TEPSIN: variants seen among roughly 807,000 people sequenced by gnomAD.
The protein encoded by TEPSIN is AP-4 complex accessory subunit tepsin.
Under a neutral mutation model 48.5 loss-of-function variants are expected in TEPSIN, and 50 were observed. The ratio of observed to expected loss-of-function variants is 1.03; its 90% CI spans 0.82 to 1.31. The LOEUF (loss-of-function observed/expected upper bound fraction) is 1.31, where lower values mean the gene tolerates loss of function less well. Ranked by LOEUF, TEPSIN falls within the 50% of genes most tolerant of loss-of-function variation. TEPSIN has a pLI of 0.00. For synonymous variants in TEPSIN, 392 were observed against 358.8 expected (o/e 1.09, Z -1.05); for missense variants, 838 against 815.9 (o/e 1.03, Z -0.33).
chr17:81,236,219 C>T (rs551086274), intron 4 of TEPSIN, among the ~76,000 whole-genome samples: 1 of 152,342 alleles, frequency 6.6e-6, no homozygotes, highest in East Asian at 1.9e-4. Context: ...GCCGGGGCCC[C>T]GCCTCTCCTG....
chr17:81,235,985 G>A (rs1598360065), intron 4 of TEPSIN, among the ~76,000 whole-genome samples: 1 of 152,210 alleles, frequency 6.6e-6, no homozygotes, highest in Admixed American at 6.5e-5. Flanking sequence ...GCAGTGGCAC[G>A]AGACAGACTC....
At position 81,237,058 on chromosome 17, in the gene TEPSIN, C is replaced by T. The variant is rs968866664; in HGVS notation, c.135G>A (p.Glu45=). 16 of 1,593,476 alleles carry T rather than the reference C, an allele frequency of 1.0e-5. No individual in the cohort carries two copies. The African/African-American group carries it at 1.2e-4, about 12-fold the overall frequency. The change falls in exon 3 of 13, where the codon GAG becomes GAA. Residue 45 remains glutamate (E), a synonymous_variant. Transcript: ENST00000637944. ...LFEEIAKISH[E]SPGSSQCLLE... ...GCAGGCACTGGCTGCTGCCCGGAGA[C>T]TCGTGGGAGATTTCTGCGGCACGCT...
intron 11 of TEPSIN, chr17:81,231,156 ACACACGTGCACAAGTGTGTACACACCG>A (rs1005009380): frequency 2.2e-5 from 13 of 579,008 alleles, no homozygotes; most frequent in East Asian, 5.8e-5. Flanking sequence ...TGTGCATACC[ACACACGTGCACAAGTGTGTACACACCG>A]CACACATGCA....
At chr17:81,237,097 G>T in intron 2 of TEPSIN, 26 bp from the exon 3 acceptor site, 1 of 1,562,284 alleles carries the variant, frequency 6.4e-7, no homozygotes. Context: ...GTTAGGGAAG[G>T]GCGAGATGAT....
intron 1 of TEPSIN, 106 bp downstream of exon 1, chr17:81,238,880 G>A (rs1202989585): frequency 2.2e-6 from 3 of 1,364,644 alleles, no homozygotes; most frequent in South Asian, 1.7e-5. Context: ...GCAGCTACCC[G>A]GCGCGGAGAC....
At chr17:81,237,645 G>T in intron 1 of TEPSIN, 186 bp from the exon 2 acceptor site, 1 of 646,758 alleles carries the variant, frequency 1.5e-6, no homozygotes, top group Non-Finnish European at 2.6e-6. Context: ...TCTCTCAACA[G>T]TCAGGGATGA....
Position 81,230,963 on chromosome 17 carries a change from G to C in TEPSIN, c.1099-285C>G. On this transcript the variant is annotated intron_variant, in intron 11 of 12. Coordinates refer to ENST00000637944, the MANE Select transcript of TEPSIN (RefSeq NM_001363764.2). The surrounding 1 kb of genome is among the most constrained non-coding windows in gnomAD (Gnocchi z 4.2). ...CGGACACCAGAGCCATGTCCTCCCC[G>C]GCTCCTGGACAGACCCCAGCGAGAA... The C allele has an allele frequency of 1.9e-6, 1 of 517,962 alleles. No individual in the cohort carries two copies. Among genetic ancestry groups the C allele is most frequent in the Non-Finnish European group, 3.4e-6 (1 of 293,554 alleles). The allele number at this position is 517,962 out of a possible 1,614,324, so 32.1% of individuals were successfully genotyped here. A position where few individuals can be genotyped will look rare whatever the true frequency, so the allele number is the denominator to read the frequency against.
In TEPSIN at chr17:81,232,012, T is replaced by C. The variant is rs769558985; in HGVS notation, c.740A>G (p.His247Arg). Residue 247 changes from histidine (H) to arginine (R), a missense_variant, in exon 9 of 13, where the codon CAT becomes CGT. By Grantham distance (29) the His-to-Arg change is conservative. Coordinates refer to ENST00000637944, the MANE Select transcript of TEPSIN (RefSeq NM_001363764.2). ...GCCCCCTCCGGCCTGCCCAGGCTGA[T>C]GCCTCACAGCTGGAGGAAACAGGAC... ...GAIPGPRAVR[H>R]QPGQAGGGWD... 3 of 1,608,970 alleles carry C rather than the reference T, an allele frequency of 1.9e-6. No individual in the cohort carries two copies. Among genetic ancestry groups the C allele is most frequent in the Middle Eastern group, 1.6e-4 (1 of 6,080 alleles).
In TEPSIN at chr17:81,229,309, G is replaced by A; in HGVS notation, c.1401C>T (p.Val467=). 1 of 1,571,558 alleles carries A rather than the reference G, an allele frequency of 6.4e-7. No individual in the cohort carries two copies. The highest frequency in any genetic ancestry group is 8.6e-7 in the Non-Finnish European group (1 of 1,158,436). The change falls in exon 13 of 13, where the codon GTC becomes GTT. Residue 467 remains valine (V), a synonymous_variant. Coordinates refer to ENST00000637944, the MANE Select transcript of TEPSIN (RefSeq NM_001363764.2). The part of the protein sequence containing the change: ...VFLQPLSSTP[V]SSRSPAPSSG... The stretch of plus-strand genomic sequence containing the variant: ...ATGAGGGAGCAGGGCTCCGGGACGA[G>A]ACCGGGGTTGAACTCAGAGGCTGCA...
chr17:81,238,306 G>A, intron 1 of TEPSIN: 1 of 446,544 alleles, frequency 2.2e-6, no homozygotes, highest in Non-Finnish European at 3.0e-6. Context: ...AGCACAGAAC[G>A]ACTATGTCGA....
chr17:81,230,536 C>G lies in TEPSIN; in HGVS notation c.1233+8G>C. On this transcript the variant is annotated splice_region_variant and intron_variant, in intron 12 of 12. Coordinates refer to ENST00000637944, the MANE Select transcript of TEPSIN (RefSeq NM_001363764.2). This position sits in a 1 kb window ranked among gnomAD's most constrained non-coding sequence, Gnocchi z 4.2. ...CCCGGTGTGCGTGTGGCCTCCGCAG[C>G]TGCCCACCTTGGTGGCCTTGTTGGT... is the stretch of plus-strand genomic sequence containing the variant. The G allele has an allele frequency of 6.2e-7, 1 of 1,611,126 alleles. No homozygotes were observed. Among genetic ancestry groups the G allele is most frequent in the Non-Finnish European group, 8.5e-7 (1 of 1,179,232 alleles).
Position 81,233,336 on chromosome 17 carries a change from A to G in TEPSIN, c.526+96T>C. On this transcript the variant is annotated intron_variant, in intron 7 of 12. Transcript: ENST00000637944. The surrounding 1 kb of genome is among the most constrained non-coding windows in gnomAD (Gnocchi z 5.8). The stretch of plus-strand genomic sequence containing the variant: ...CCATGTAGGGGAGGGGACGGGGGAC[A>G]GCAGCTACTAGATGGGGCGGCATGG... The G allele has an allele frequency of 7.1e-7, 1 of 1,411,240 alleles. No individual in the cohort carries two copies. Among genetic ancestry groups the G allele is most frequent in the Non-Finnish European group, 9.6e-7 (1 of 1,038,660 alleles). The allele number at this position is 1,411,240 out of a possible 1,614,324, so 87.4% of individuals were successfully genotyped here.
chr17:81,234,546 C>T lies in TEPSIN; in HGVS notation c.308-498G>A, dbSNP rs2062687203. On this transcript the variant is annotated intron_variant, in intron 4 of 12. Transcript: ENST00000637944. The surrounding 1 kb of genome is among the most constrained non-coding windows in gnomAD (Gnocchi z 5.4). ...TTAAATCTTCCGGCCCCAGGGCCCC[C>T]CAAGCCTACACCTGGGGCCGCGGCA... 6.6e-6 allele frequency among the ~76,000 whole-genome samples: 1 copy of T among 152,088 alleles called. No homozygotes were observed. The highest frequency in any genetic ancestry group is 1.5e-5 in the Non-Finnish European group (1 of 67,982).
At chr17:81,235,291 T>C (rs1398376202) in intron 4 of TEPSIN, among the ~76,000 whole-genome samples, 1 of 152,168 alleles carries the variant, frequency 6.6e-6, no homozygotes, top group East Asian at 1.9e-4. Flanking sequence ...CCAGCTGCGT[T>C]TTCTTTCCTC....
Position 81,231,489 on chromosome 17 carries a change from G to GAC in TEPSIN, c.1020-15_1020-14dup. 3 of 1,568,840 alleles carry GAC rather than the reference G, an allele frequency of 1.9e-6. No homozygotes were observed. In the East Asian group the frequency reaches 7.1e-5, roughly 37 times the overall value. ...GAGCAGTCCACACCTGCACAGAGGG[G>GAC]ACACCTGGGTGGCGGGTGCGGCCCG... On this transcript the variant is annotated splice_polypyrimidine_tract_variant and intron_variant, in intron 10 of 12. Coordinates refer to ENST00000637944, the MANE Select transcript of TEPSIN (RefSeq NM_001363764.2).
In TEPSIN at chr17:81,230,749, A is replaced by ATC; in HGVS notation, c.1099-73_1099-72dup. On this transcript the variant is annotated intron_variant, in intron 11 of 12. Transcript: ENST00000637944. This position sits in a 1 kb window ranked among gnomAD's most constrained non-coding sequence, Gnocchi z 4.2. ...CCACGCCAGGGAGGCCTATTTGGCC[A>ATC]TCTCTCTCCCTCTTCTTCCTCCTCA... 1 of 1,448,626 alleles carries ATC rather than the reference A, an allele frequency of 6.9e-7. No homozygotes were observed. Among genetic ancestry groups the ATC allele is most frequent in the Non-Finnish European group, 9.1e-7 (1 of 1,098,494 alleles). 89.7% of individuals were successfully genotyped at this position (1,448,626 alleles called of 1,614,324 possible). A position where few individuals can be genotyped will look rare whatever the true frequency, so the allele number is the denominator to read the frequency against.
rs1253279924 is a variant in TEPSIN, at chr17:81,228,989, C to G, written c.1721G>C (p.Arg574Thr). The change falls in exon 13 of 13, where the codon AGG (arginine) becomes ACG (threonine). Residue 574 changes from arginine to threonine, a missense_variant. Arg to Thr is a moderately conservative substitution (Grantham distance 71). Transcript: ENST00000637944. Reference sequence around the variant, plus strand: ...GCCAGGAGGCTCTTTGGCTGCTGTCCTCTGGGACGATGTTTGGGGGGCGCG... The same window carrying G: ...GCCAGGAGGCTCTTTGGCTGCTGTCGTCTGGGACGATGTTTGGGGGGCGCG... ...APRAPQTSSQ[R>T]TAAKEPPGSE... 1 of 1,613,710 alleles carries G rather than the reference C, an allele frequency of 6.2e-7. No homozygotes were observed. Among genetic ancestry groups the G allele is most frequent in the African/African-American group, 1.3e-5 (1 of 75,050 alleles).
Position 81,234,102 on chromosome 17 carries a change from C to A in TEPSIN, c.308-54G>T, listed in dbSNP as rs2062678578. On this transcript the variant is annotated intron_variant, in intron 4 of 12. Coordinates refer to ENST00000637944, the MANE Select transcript of TEPSIN (RefSeq NM_001363764.2). This position sits in a 1 kb window ranked among gnomAD's most constrained non-coding sequence, Gnocchi z 5.4. ...CAGGGCTGAGCCTGGCACCGCTGCTCCCTGTGGAGCACGGTGCCCTGGGCC... is the reference window on the plus strand; with the variant it reads ...CAGGGCTGAGCCTGGCACCGCTGCTACCTGTGGAGCACGGTGCCCTGGGCC... 2.7e-6 allele frequency: 4 copies of A among 1,483,266 alleles called. No homozygotes were observed. The highest frequency in any genetic ancestry group is 1.4e-5 in the South Asian group (1 of 73,404). The allele number at this position is 1,483,266 out of a possible 1,614,324, so 91.9% of individuals were successfully genotyped here.
Position 81,230,073 on chromosome 17 carries a change from C to G in TEPSIN, c.1233+471G>C, listed in dbSNP as rs534122791. On this transcript the variant is annotated intron_variant, in intron 12 of 12. Coordinates refer to ENST00000637944, the MANE Select transcript of TEPSIN (RefSeq NM_001363764.2). This position sits in a 1 kb window ranked among gnomAD's most constrained non-coding sequence, Gnocchi z 4.2. ...AGGGAAGGTGCCAGGGCCTGGCGGC[C>G]GGGAGAGGCCTCCCCGTGTGATTCC... The G allele has an allele frequency of 2.3e-4, 39 of 166,882 alleles. No homozygotes were observed. Among genetic ancestry groups the G allele is most frequent in the Non-Finnish European group, 2.8e-4 (22 of 77,998 alleles). 10.3% of individuals were successfully genotyped at this position (166,882 alleles called of 1,614,324 possible).
Sources: allele counts gnomAD v4.1 joint callset (sites outside exome capture counted in the v4.1 genomes callset), GRCh38; gene constraint gnomAD v4.1.1; non-coding constraint Gnocchi (gnomAD v3.1); transcripts MANE v1.5; gene names NCBI Gene and HGNC (gene_info 2026-07-23, HGNC 2026-07-21).